Variants in SPEN observed in about 807,000 individuals in gnomAD.
SPEN encodes the protein spen family transcriptional repressor.
Under a neutral mutation model 269.9 loss-of-function variants are expected in SPEN, and 18 were observed. The ratio of observed to expected loss-of-function variants is 0.07; its 90% CI spans 0.05 to 0.10. SPEN has a LOEUF of 0.10. Among genes scored for constraint, SPEN ranks in the 10% least tolerant of loss-of-function variants. The probability of loss-of-function intolerance (pLI) is 1.00; values close to 1 mark genes in which losing one functional copy is unlikely to be tolerated. For missense variants in SPEN, 3,822 were observed against 4,631.2 expected (o/e 0.83, Z 5.07); for synonymous variants, 1,726 against 1,765.7 (o/e 0.98, Z 0.56).
At chr1:15,887,276 ATTTTTTTTT>A (rs34435171) in intron 3 of SPEN, among the ~76,000 whole-genome samples, 2 of 82,318 alleles carry the variant, frequency 2.4e-5, no homozygotes, top group Admixed American at 1.7e-4. Flanking sequence ...CCTGGCCTGA[ATTTTTTTTT>A]TTTTTTTTTT....
chr1:15,932,735 A>G lies in SPEN; in HGVS notation c.6495A>G (p.Leu2165=), dbSNP rs781759133. 7 of 1,614,080 alleles carry G rather than the reference A, an allele frequency of 4.3e-6. No homozygotes were observed. The African/African-American group carries it at 9.3e-5, about 22-fold the overall frequency. Residue 2165 remains leucine (L), a synonymous_variant, in exon 11 of 15, where the codon TTA becomes TTG. Coordinates refer to ENST00000375759, the MANE Select transcript of SPEN (RefSeq NM_015001.3). The surrounding 1 kb of genome is among the most constrained non-coding windows in gnomAD (Gnocchi z 4.2). ...GGCCGTCCCCAGAAGCCACCCAGTT[A>G]GCCAAGCAGATGGAGCTGGAGCAGG... ...ASGPSPEATQ[L]AKQMELEQAV...
rs768020079 is a variant in SPEN, at chr1:15,932,361, C to G, written c.6121C>G (p.Gln2041Glu). The G allele has an allele frequency of 1.2e-6, 2 of 1,614,070 alleles. No homozygotes were observed. Among genetic ancestry groups the G allele is most frequent in the Non-Finnish European group, 1.7e-6 (2 of 1,180,024 alleles). Residue 2041 changes from glutamine (Q) to glutamate (E), a missense_variant, in exon 11 of 15, where the codon CAG (glutamine) becomes GAG (glutamate). By Grantham distance (29) the Gln-to-Glu change is conservative. Around this residue, in one of 16 missense-constraint regions of SPEN, gnomAD observed 727 missense variants for 737.9 expected, o/e 0.99. Coordinates refer to ENST00000375759, the MANE Select transcript of SPEN (RefSeq NM_015001.3). The surrounding 1 kb of genome is among the most constrained non-coding windows in gnomAD (Gnocchi z 4.2). The stretch of plus-strand genomic sequence containing the variant: ...TGCTGAGGAGGAGGCAGGGAGTGAA[C>G]AGAAACGTGACAGAAAAGATGCTGG... ...KAAEEEAGSEQKRDRKDAGTD... is the reference protein window; with the variant it reads ...KAAEEEAGSEEKRDRKDAGTD...
At chr1:15,853,022 A>G (rs2070350965) in intron 1 of SPEN, among the ~76,000 whole-genome samples, 2 of 151,828 alleles carry the variant, frequency 1.3e-5, no homozygotes, top group African/African-American at 2.4e-5. Flanking sequence ...ACACTCGACT[A>G]ATTTTTTATA....
At position 15,872,935 on chromosome 1, in the gene SPEN, A is replaced by G. The variant is rs1275543222; in HGVS notation, c.203A>G (p.Lys68Arg). ...SAQKAHNSVN[K>R]MGDRDLRTDY... is the part of the protein sequence containing the mutation. ...CAGAAAGCTCACAACTCGGTCAACAAAATGGGTGACAGAGACCTACGCACG... is the reference window on the plus strand; with the variant it reads ...CAGAAAGCTCACAACTCGGTCAACAGAATGGGTGACAGAGACCTACGCACG... The change falls in exon 2 of 15, where the codon AAA (lysine) becomes AGA (arginine). Residue 68 changes from lysine to arginine, a missense_variant. Around this residue, in one of 16 missense-constraint regions of SPEN, gnomAD observed 327 missense variants for 350.8 expected, o/e 0.93. Transcript: ENST00000375759. 6.2e-7 allele frequency: 1 copy of G among 1,608,810 alleles called. No homozygotes were observed. The highest frequency in any genetic ancestry group is 1.3e-5 in the African/African-American group (1 of 74,986).
In SPEN at chr1:15,935,801, C is replaced by T. The variant is rs765921140; in HGVS notation, c.9561C>T (p.His3187=). ...VLVMQSEYRL[H]PYTVPRDVRI... is the part of the protein sequence containing the mutation. The stretch of plus-strand genomic sequence containing the variant: ...TCATGCAGTCTGAGTACCGACTGCA[C>T]CCCTATACTGTGCCACGGGATGTGA... Residue 3187 remains histidine, a synonymous_variant, in exon 11 of 15, where the codon CAC becomes CAT. Coordinates refer to ENST00000375759, the MANE Select transcript of SPEN (RefSeq NM_015001.3). This position sits in a 1 kb window ranked among gnomAD's most constrained non-coding sequence, Gnocchi z 7.7. The T allele has an allele frequency of 5.2e-5, 84 of 1,613,744 alleles. No individual in the cohort carries two copies. The highest frequency in any genetic ancestry group is 7.0e-5 in the Non-Finnish European group (83 of 1,180,010).
intron 1 of SPEN, among the ~76,000 whole-genome samples, chr1:15,854,556 C>T (rs556911816): frequency 1.3e-5 from 2 of 151,926 alleles, no homozygotes; most frequent in Non-Finnish European, 2.9e-5. Context: ...GGTGCTATCT[C>T]GGCTCACCGC....
intron 5 of SPEN, among the ~76,000 whole-genome samples, chr1:15,911,715 C>T (rs1186058364): frequency 6.6e-6 from 1 of 152,180 alleles, no homozygotes; most frequent in Non-Finnish European, 1.5e-5. Flanking sequence ...AATCCCAGCA[C>T]TTTGGGAGGC....
At chr1:15,861,131 T>A (rs1416104658) in intron 1 of SPEN, among the ~76,000 whole-genome samples, 2 of 150,552 alleles carry the variant, frequency 1.3e-5, no homozygotes, top group Non-Finnish European at 3.0e-5. Context: ...TCAGGCTGAG[T>A]GACTTTTTTT....
Position 15,933,998 on chromosome 1 carries a change from A to C in SPEN, c.7758A>C (p.Thr2586=). 3.1e-6 allele frequency: 5 copies of C among 1,614,050 alleles called. No homozygotes were observed. The highest frequency in any genetic ancestry group is 4.2e-6 in the Non-Finnish European group (5 of 1,179,952). ...CTAAAAAGCCTTTAGAAGAAAAAAC[A>C]GCACCTCCAGTGACAAACAACTCTG... is the stretch of plus-strand genomic sequence containing the variant. ...VDSKKPLEEK[T]APPVTNNSEI... is the part of the protein sequence containing the mutation. Residue 2586 remains threonine, a synonymous_variant, in exon 11 of 15, where the codon ACA becomes ACC. Transcript: ENST00000375759. This position sits in a 1 kb window ranked among gnomAD's most constrained non-coding sequence, Gnocchi z 5.7.
At chr1:15,936,379 G>T in intron 11 of SPEN, 113 bp downstream of exon 11, 2 of 1,394,856 alleles carry the variant, frequency 1.4e-6, no homozygotes, top group East Asian at 2.6e-5. Context: ...GGTGGCTTAT[G>T]CCTGTAATCC....
rs1391591193 is a variant in SPEN at position 15,939,633 on chromosome 1, T to A, written c.*206T>A. 5 of 507,852 alleles carry A rather than the reference T, an allele frequency of 9.8e-6. No individual in the cohort carries two copies. The highest frequency in any genetic ancestry group is 1.6e-5 in the Non-Finnish European group (5 of 308,936). 31.5% of individuals were successfully genotyped at this position (507,852 alleles called of 1,614,324 possible). ...CTACCTTGTATGTTTACATAATGCT[T>A]TAGCCCAAGGACACATCACCAACCC... On this transcript the variant is annotated 3_prime_UTR_variant, in exon 15 of 15. Transcript: ENST00000375759. The surrounding 1 kb of genome is among the most constrained non-coding windows in gnomAD (Gnocchi z 4.1).
intron 9 of SPEN, among the ~76,000 whole-genome samples, chr1:15,921,298 C>G (rs1408144430): frequency 6.6e-6 from 1 of 152,180 alleles, no homozygotes; most frequent in Non-Finnish European, 1.5e-5. Flanking sequence ...CCGTTGCACT[C>G]CAGCCTGGGT....
intron 1 of SPEN, among the ~76,000 whole-genome samples, chr1:15,865,971 A>G (rs536917940): frequency 6.6e-6 from 1 of 151,896 alleles, no homozygotes; most frequent in East Asian, 1.9e-4. Flanking sequence ...CCTGAGTTCA[A>G]GTGATTCAGG....
rs765827635 is a variant in SPEN at position 15,935,693 on chromosome 1, C to G, written c.9453C>G (p.Ala3151=). 1.2e-6 allele frequency: 2 copies of G among 1,613,650 alleles called. No homozygotes were observed. The highest frequency in any genetic ancestry group is 1.7e-6 in the Non-Finnish European group (2 of 1,179,794). Residue 3151 remains alanine (A), a synonymous_variant, in exon 11 of 15, where the codon GCC becomes GCG. Coordinates refer to ENST00000375759, the MANE Select transcript of SPEN (RefSeq NM_015001.3). This position sits in a 1 kb window ranked among gnomAD's most constrained non-coding sequence, Gnocchi z 7.7. The stretch of plus-strand genomic sequence containing the variant: ...CCCCAGCTGGTGTGCCTGCACTGGC[C>G]TCCCAGCACCCTCCCGAGGAGGAAG... ...QPAPAGVPAL[A]SQHPPEEEVH...
chr1:15,882,636 G>T lies in SPEN; in HGVS notation c.881+5958G>T, dbSNP rs188802354. Among the ~76,000 whole-genome samples, 977 of 152,174 alleles carry T rather than the reference G, an allele frequency of 6.4e-3. 6 individuals carry two copies. The highest frequency in any genetic ancestry group is 0.02 in the Middle Eastern group (6 of 294). ...GATCGTACCACTGCACTCCAGCCTG[G>T]GCAACAGAACAAGACTCCATTTCAA... On this transcript the variant is annotated intron_variant, in intron 3 of 14. Transcript: ENST00000375759.
intron 3 of SPEN, among the ~76,000 whole-genome samples, chr1:15,879,702 G>A (rs1036557801): frequency 1.3e-5 from 2 of 150,184 alleles, no homozygotes; most frequent in African/African-American, 2.5e-5. Flanking sequence ...GCGGAGTCTC[G>A]CTCTGTCACC....
Position 15,930,007 on chromosome 1 carries a change from A to T in SPEN, c.3767A>T (p.Glu1256Val). 1 of 1,614,160 alleles carries T rather than the reference A, an allele frequency of 6.2e-7. No homozygotes were observed. Among genetic ancestry groups the T allele is most frequent in the Non-Finnish European group, 8.5e-7 (1 of 1,180,042 alleles). ...TCACGCCAAATCAGCGAAGATTCTG[A>T]AAGGACTGGTGGTTCTCCCAGTGTC... ...RSSRQISEDSERTGGSPSVRH... is the reference protein window; with the variant it reads ...RSSRQISEDSVRTGGSPSVRH... Residue 1256 changes from glutamate (E) to valine (V), a missense_variant, in exon 11 of 15, where the codon GAA (glutamate) becomes GTA (valine). Glu to Val is a moderately radical substitution (Grantham distance 121, BLOSUM62 -2). This residue lies in a region of SPEN where 267 missense variants were observed against 315.5 expected (regional missense o/e 0.85). Coordinates refer to ENST00000375759, the MANE Select transcript of SPEN (RefSeq NM_015001.3). This position sits in a 1 kb window ranked among gnomAD's most constrained non-coding sequence, Gnocchi z 5.3.
chr1:15,934,983 A>G lies in SPEN; in HGVS notation c.8743A>G (p.Ile2915Val). ...GCCATCCTTGGAGAAGCCCGAGCCC[A>G]TTCACCTCTCGGTGTCCACGCCTGT... The part of the protein sequence containing the change: ...DRPSLEKPEP[I>V]HLSVSTPVTQ... Residue 2915 changes from isoleucine (I) to valine (V), a missense_variant, in exon 11 of 15, where the codon ATT becomes GTT. Around this residue, in one of 16 missense-constraint regions of SPEN, gnomAD observed 329 missense variants for 431.2 expected, o/e 0.76. Coordinates refer to ENST00000375759, the MANE Select transcript of SPEN (RefSeq NM_015001.3). The surrounding 1 kb of genome is among the most constrained non-coding windows in gnomAD (Gnocchi z 9.2). The G allele has an allele frequency of 6.2e-7, 1 of 1,612,806 alleles. No individual in the cohort carries two copies.
rs760229111 is a variant in SPEN at position 15,935,799 on chromosome 1, C to T, written c.9559C>T (p.His3187Tyr). 1.2e-6 allele frequency: 2 copies of T among 1,613,760 alleles called. No homozygotes were observed. Among genetic ancestry groups the T allele is most frequent in the Non-Finnish European group, 1.7e-6 (2 of 1,180,010 alleles). ...VLVMQSEYRL[H>Y]PYTVPRDVRI... Reference sequence around the variant, plus strand: ...AGTCATGCAGTCTGAGTACCGACTGCACCCCTATACTGTGCCACGGGATGT... The same window carrying T: ...AGTCATGCAGTCTGAGTACCGACTGTACCCCTATACTGTGCCACGGGATGT... Residue 3187 changes from histidine (H) to tyrosine (Y), a missense_variant, in exon 11 of 15, where the codon CAC becomes TAC. Physicochemically the swap from His to Tyr is moderately conservative, Grantham distance 83. Coordinates refer to ENST00000375759, the MANE Select transcript of SPEN (RefSeq NM_015001.3). The surrounding 1 kb of genome is among the most constrained non-coding windows in gnomAD (Gnocchi z 7.7).
Sources: allele counts gnomAD v4.1 joint callset (sites outside exome capture counted in the v4.1 genomes callset), GRCh38; gene constraint gnomAD v4.1.1; regional missense constraint gnomAD v4.1.1; non-coding constraint Gnocchi (gnomAD v3.1); transcripts MANE v1.5; gene names NCBI Gene and HGNC (gene_info 2026-07-23, HGNC 2026-07-21).